Variants in STIM2 observed in about 807,000 individuals in gnomAD.
The protein encoded by STIM2 is stromal interaction molecule 2.
STIM2 carries 31 observed loss-of-function variants against 85.8 expected under a neutral mutation model. That is an observed-to-expected ratio of 0.36 (90% CI 0.27 to 0.49). The LOEUF is 0.49. Ranked by LOEUF, STIM2 falls within the 20% of genes least tolerant of loss-of-function variation. The pLI is 0.98. For synonymous variants in STIM2, 356 were observed against 331.1 expected (o/e 1.08, Z -0.82); for missense variants, 841 against 927.6 (o/e 0.91, Z 1.21).
intron 2 of STIM2, among the ~76,000 whole-genome samples, chr4:26,946,598 A>G (rs989340958): frequency 6.6e-6 from 1 of 152,248 alleles, no homozygotes; most frequent in Non-Finnish European, 1.5e-5. Flanking sequence ...GTATGTCCAC[A>G]TGCTCCTGTA....
intron 1 of STIM2, among the ~76,000 whole-genome samples, chr4:26,911,152 G>T (rs1054393173): frequency 6.6e-6 from 1 of 151,954 alleles, no homozygotes; most frequent in African/African-American, 2.4e-5. Context: ...CAGGAGAATC[G>T]CTTGAACCCA....
At chr4:26,946,741 A>G (rs987596130) in intron 2 of STIM2, among the ~76,000 whole-genome samples, 1 of 152,256 alleles carries the variant, frequency 6.6e-6, no homozygotes, top group Admixed American at 6.5e-5. Flanking sequence ...ATGCATAGAC[A>G]TAAAAATATG....
intron 1 of STIM2, among the ~76,000 whole-genome samples, chr4:26,898,972 T>C (rs753364893): frequency 2.6e-5 from 4 of 152,044 alleles, no homozygotes; most frequent in Non-Finnish European, 4.4e-5. Flanking sequence ...CAAGTCTTTA[T>C]ACCTTGGATT....
chr4:26,993,702 C>CT (rs1051244340), intron 3 of STIM2, among the ~76,000 whole-genome samples: 6 of 152,158 alleles, frequency 3.9e-5, no homozygotes, highest in Non-Finnish European at 5.9e-5. Context: ...CACTTACATC[C>CT]TTCCCTTTGC....
chr4:27,017,950 G>A lies in STIM2; in HGVS notation c.1729G>A (p.Glu577Lys), dbSNP rs943520700. The A allele has an allele frequency of 6.2e-7, 1 of 1,614,130 alleles. No homozygotes were observed. Among genetic ancestry groups the A allele is most frequent in the Non-Finnish European group, 8.5e-7 (1 of 1,180,030 alleles). ...TGCGCTTTATCGAAATGAAGAGGAG[G>A]AAGAGGCCATTTACTTCTCTGCTGA... is the stretch of plus-strand genomic sequence containing the variant. The change falls in exon 11 of 12, where the codon GAA becomes AAA. Residue 577 changes from glutamate to lysine, a missense_variant. By Grantham distance (56) the Glu-to-Lys change is moderately conservative (BLOSUM62 1). This residue lies in a region of STIM2 where 293 missense variants were observed against 284.5 expected (regional missense o/e 1.03). Coordinates refer to ENST00000467087, the MANE Select transcript of STIM2 (RefSeq NM_020860.4).
chr4:26,964,054 ATGGCACAT>A (rs1242017583), intron 3 of STIM2, among the ~76,000 whole-genome samples: 1 of 152,198 alleles, frequency 6.6e-6, no homozygotes, highest in Non-Finnish European at 1.5e-5. Context: ...AAATCTGACC[ATGGCACAT>A]TTATGGGATA....
chr4:26,918,046 A>G (rs1023568596), intron 1 of STIM2, among the ~76,000 whole-genome samples: 4 of 152,136 alleles, frequency 2.6e-5, no homozygotes, highest in African/African-American at 9.7e-5. Context: ...ACACGTATTT[A>G]TATATCACAC....
intron 1 of STIM2, among the ~76,000 whole-genome samples, chr4:26,879,534 G>T (rs558376994): frequency 8.1e-4 from 123 of 152,160 alleles, no homozygotes; most frequent in Non-Finnish European, 1.6e-3. Context: ...CAGTCATTGT[G>T]TTAAGTTTTT....
intron 3 of STIM2, among the ~76,000 whole-genome samples, chr4:26,972,834 C>T (rs1443248572): frequency 6.6e-6 from 1 of 152,152 alleles, no homozygotes. Flanking sequence ...CCTCTTTGTA[C>T]CTCTGGTAGA....
chr4:26,949,958 T>G (rs1210481952), intron 2 of STIM2, among the ~76,000 whole-genome samples: 2 of 152,232 alleles, frequency 1.3e-5, no homozygotes, highest in African/African-American at 2.4e-5. Flanking sequence ...ATGAAGAATA[T>G]TTCTAAATTG....
chr4:26,915,785 T>C (rs1724556103), intron 1 of STIM2, among the ~76,000 whole-genome samples: 1 of 152,230 alleles, frequency 6.6e-6, no homozygotes, highest in Non-Finnish European at 1.5e-5. Context: ...CACACTATGT[T>C]GCATTTAACA....
chr4:26,888,029 C>CA (rs755335377), intron 1 of STIM2, among the ~76,000 whole-genome samples: 2 of 152,194 alleles, frequency 1.3e-5, no homozygotes, highest in Non-Finnish European at 2.9e-5. Context: ...CTGATTGGAT[C>CA]AGGCCCACCC....
In STIM2 at chr4:26,860,996, T is replaced by G; in HGVS notation, c.-223T>G. On this transcript the variant is annotated 5_prime_UTR_variant, in exon 1 of 12. Transcript: ENST00000467087. ...GGATCAGAGCTCCGGAGGCCGCCGG[T>G]GCCGATGGGACCAGGCTGGCGCCCG... The G allele has an allele frequency of 1.6e-6, 2 of 1,281,702 alleles. No individual in the cohort carries two copies. Among genetic ancestry groups the G allele is most frequent in the Non-Finnish European group, 9.9e-7 (1 of 1,005,490 alleles). The allele number at this position is 1,281,702 out of a possible 1,614,324, so 79.4% of individuals were successfully genotyped here.
chr4:26,890,740 C>T (rs993593158), intron 1 of STIM2, among the ~76,000 whole-genome samples: 7 of 148,160 alleles, frequency 4.7e-5, no homozygotes, highest in South Asian at 2.1e-4. Context: ...AGGAGAATGG[C>T]GTGAACCCGG....
intron 2 of STIM2, among the ~76,000 whole-genome samples, chr4:26,951,206 A>G (rs903317884): frequency 1.3e-5 from 2 of 152,146 alleles, no homozygotes; most frequent in African/African-American, 2.4e-5. Context: ...GAGCGTTACT[A>G]TAGAATAAAT....
intron 3 of STIM2, among the ~76,000 whole-genome samples, chr4:26,963,109 C>A (rs1326513097): frequency 6.6e-6 from 1 of 151,906 alleles, no homozygotes; most frequent in Non-Finnish European, 1.5e-5. Context: ...TCAAGTGTAC[C>A]TAAAGGCTAG....
At chr4:26,958,559 C>G (rs1174709888) in intron 3 of STIM2, among the ~76,000 whole-genome samples, 2 of 152,076 alleles carry the variant, frequency 1.3e-5, no homozygotes, top group Non-Finnish European at 2.9e-5. Context: ...CCCACCAATG[C>G]TCAGTATTTT....
At chr4:26,941,777 A>AAGGC (rs1451308464) in intron 2 of STIM2, among the ~76,000 whole-genome samples, 1 of 152,134 alleles carries the variant, frequency 6.6e-6, no homozygotes, top group East Asian at 1.9e-4. Context: ...TATATAACAT[A>AAGGC]ATGAATTCCT....
At chr4:26,942,165 C>A (rs147116808) in intron 2 of STIM2, among the ~76,000 whole-genome samples, 2 of 152,128 alleles carry the variant, frequency 1.3e-5, no homozygotes, top group Non-Finnish European at 2.9e-5. Context: ...TGGGGGCTCA[C>A]CATCTGCATT....
Sources: allele counts gnomAD v4.1 joint callset (sites outside exome capture counted in the v4.1 genomes callset), GRCh38; gene constraint gnomAD v4.1.1; regional missense constraint gnomAD v4.1.1; transcripts MANE v1.5; gene names NCBI Gene and HGNC (gene_info 2026-07-23, HGNC 2026-07-21).